The following MARCHF4 variants were observed in gnomAD, a reference collection of about 807,000 sequenced individuals.
MARCHF4 encodes E3 ubiquitin-protein ligase MARCHF4.
MARCHF4 carries 14 observed loss-of-function variants against 43.9 expected under a neutral mutation model. That is an observed-to-expected ratio of 0.32 (90% CI 0.21 to 0.50). The LOEUF (loss-of-function observed/expected upper bound fraction) is 0.50. MARCHF4 is among the 20% of genes least tolerant of loss of function. The pLI, the probability that MARCHF4 is intolerant of heterozygous loss-of-function variation, is 0.98. For synonymous variants in MARCHF4, 226 were observed against 213.3 expected (o/e 1.06, Z -0.52); for missense variants, 468 against 536.7 (o/e 0.87, Z 1.27).
At chr2:216,324,446 C>T (rs1441098962) in intron 1 of MARCHF4, among the ~76,000 whole-genome samples, 5 of 151,840 alleles carry the variant, frequency 3.3e-5, no homozygotes, top group Admixed American at 6.6e-5. Flanking sequence ...AAAGAGGGAA[C>T]CCTCCCTAAC....
chr2:216,277,986 A>G lies in MARCHF4; in HGVS notation c.673-122T>C, dbSNP rs116235689. On this transcript the variant is annotated intron_variant, in intron 2 of 3. Transcript: ENST00000273067. ...TTAGGATTTAAGCCAGGGCTTTCCA[A>G]CCTGTGGTACAATGAGCATTTTGCA... The G allele has an allele frequency of 2.1e-4, 179 of 856,474 alleles. 1 individual carries two copies. The African/African-American group carries it at 2.7e-3, about 13-fold the overall frequency. 53.1% of individuals were successfully genotyped at this position (856,474 alleles called of 1,614,324 possible).
chr2:216,277,223 A>G (rs1164116265), intron 3 of MARCHF4, among the ~76,000 whole-genome samples: 1 of 152,152 alleles, frequency 6.6e-6, no homozygotes. Context: ...GCTTAGAGAA[A>G]GCTGGAATAA....
chr2:216,350,651 C>A (rs889827257), intron 1 of MARCHF4, among the ~76,000 whole-genome samples: 1 of 152,156 alleles, frequency 6.6e-6, no homozygotes, highest in Non-Finnish European at 1.5e-5. Context: ...TGCACATGCT[C>A]CTACCACCAG....
chr2:216,298,038 G>A (rs1267856472), intron 1 of MARCHF4, among the ~76,000 whole-genome samples: 2 of 152,300 alleles, frequency 1.3e-5, no homozygotes, highest in East Asian at 3.9e-4. Context: ...AGTTAAACAA[G>A]CAATCAGGAC....
intron 1 of MARCHF4, among the ~76,000 whole-genome samples, chr2:216,322,431 C>T (rs1406694297): frequency 6.6e-6 from 1 of 152,176 alleles, no homozygotes; most frequent in Non-Finnish European, 1.5e-5. Context: ...TTCAGGGGAC[C>T]TGTGAACCTC....
At chr2:216,284,628 A>G (rs741544) in intron 1 of MARCHF4, among the ~76,000 whole-genome samples, 82,014 of 151,876 alleles carry the variant, frequency 0.54, 22,189 homozygotes, top group South Asian at 0.65. Context: ...ACCATGCCCG[A>G]CTAATTTTTT....
In MARCHF4 at chr2:216,321,876, C is replaced by T. The variant is rs547882064; in HGVS notation, c.517-38147G>A. ...TCCTCCAGGAAGAATCAGCCTTGGG[C>T]ATCTTGCTTGAGGAGGAGAGCATGG... On this transcript the variant is annotated intron_variant, in intron 1 of 3. Coordinates refer to ENST00000273067, the MANE Select transcript of MARCHF4 (RefSeq NM_020814.3). The T allele has an allele frequency of 2.0e-5, 3 of 152,330 alleles. No homozygotes were observed. In the East Asian group the frequency reaches 5.8e-4, roughly 29 times the overall value. 9.4% of individuals were successfully genotyped at this position (152,330 alleles called of 1,614,324 possible).
At chr2:216,269,111 C>T in intron 3 of MARCHF4, among the ~76,000 whole-genome samples, 1 of 152,168 alleles carries the variant, frequency 6.6e-6, no homozygotes, top group East Asian at 1.9e-4. Flanking sequence ...ATCTCAGGAA[C>T]ATTCCTTTCC....
chr2:216,350,698 G>A (rs1692393734), intron 1 of MARCHF4, among the ~76,000 whole-genome samples: 1 of 152,158 alleles, frequency 6.6e-6, no homozygotes, highest in Non-Finnish European at 1.5e-5. Context: ...ACTGGCCTCT[G>A]ACTCATGCAA....
chr2:216,270,122 C>T (rs1233547708), intron 3 of MARCHF4, among the ~76,000 whole-genome samples: 1 of 151,802 alleles, frequency 6.6e-6, no homozygotes, highest in East Asian at 1.9e-4. Context: ...GTCACCCAGG[C>T]TGGAGTGCAG....
At chr2:216,353,381 A>G (rs1179847748) in intron 1 of MARCHF4, among the ~76,000 whole-genome samples, 1 of 152,242 alleles carries the variant, frequency 6.6e-6, no homozygotes, top group African/African-American at 2.4e-5. Context: ...GAATAGATGA[A>G]TAGCTCTGAG....
chr2:216,277,601 T>A (rs1199728228), intron 3 of MARCHF4, 71 bp downstream of exon 3: 14 of 1,444,996 alleles, frequency 9.7e-6, no homozygotes, highest in Non-Finnish European at 1.3e-5. Context: ...CAGTGGGGGA[T>A]CCTGAGGGAT....
chr2:216,260,397 G>A (rs1690721785), intron 3 of MARCHF4, among the ~76,000 whole-genome samples: 1 of 152,222 alleles, frequency 6.6e-6, no homozygotes, highest in Non-Finnish European at 1.5e-5. Flanking sequence ...GAAGATAACT[G>A]GGGTTAAATA....
intron 1 of MARCHF4, among the ~76,000 whole-genome samples, chr2:216,350,635 T>A (rs1196172773): frequency 1.3e-5 from 2 of 152,180 alleles, no homozygotes; most frequent in African/African-American, 4.8e-5. Flanking sequence ...CTCTCTGGTC[T>A]GCTGTTGCAC....
At chr2:216,357,186 A>G (rs1461683918) in intron 1 of MARCHF4, among the ~76,000 whole-genome samples, 1 of 152,234 alleles carries the variant, frequency 6.6e-6, no homozygotes, top group African/African-American at 2.4e-5. Flanking sequence ...TTTGAATTTC[A>G]CCAAGGGTCC....
intron 1 of MARCHF4, among the ~76,000 whole-genome samples, chr2:216,356,388 A>G (rs1692503641): frequency 6.6e-6 from 1 of 152,236 alleles, no homozygotes; most frequent in Non-Finnish European, 1.5e-5. Context: ...AGGAAAGACC[A>G]GAAAGGGAAC....
At chr2:216,341,879 C>T (rs998471109) in intron 1 of MARCHF4, among the ~76,000 whole-genome samples, 1 of 152,146 alleles carries the variant, frequency 6.6e-6, no homozygotes, top group Non-Finnish European at 1.5e-5. Flanking sequence ...ATAGCAGCTG[C>T]TCACCAACCA....
intron 1 of MARCHF4, among the ~76,000 whole-genome samples, chr2:216,320,111 A>G (rs2105962406): frequency 6.6e-6 from 1 of 152,358 alleles, no homozygotes; most frequent in Middle Eastern, 3.4e-3. Flanking sequence ...AACTAAGATT[A>G]CTGTAAGACA....
At chr2:216,283,399 C>T (rs959898183) in intron 2 of MARCHF4, among the ~76,000 whole-genome samples, 175 bp downstream of exon 2, 15 of 152,142 alleles carry the variant, frequency 9.9e-5, no homozygotes, top group African/African-American at 3.4e-4. Context: ...AGAGAAAACA[C>T]AAATGTCCTT....
Sources: gnomAD v4.1 joint callset for allele counts (sites outside exome capture counted in the v4.1 genomes callset) on GRCh38, gnomAD v4.1.1 for gene constraint, MANE v1.5 for transcripts, NCBI Gene and HGNC (gene_info 2026-07-23, HGNC 2026-07-21) for gene names.